Variants in SPATA7 observed in about 807,000 individuals in gnomAD.
The protein encoded by SPATA7 is spermatogenesis associated 7.
Under a neutral mutation model 51.8 loss-of-function variants are expected in SPATA7, and 43 were observed. That is an observed-to-expected ratio of 0.83 (90% CI 0.65 to 1.07). The LOEUF is 1.07. SPATA7 is among the 50% of genes least tolerant of loss of function. The pLI is 0.00. For missense variants in SPATA7, 683 were observed against 701.3 expected, an observed-to-expected ratio of 0.97 and a Z score of 0.30; for synonymous variants, 230 against 252.8, an observed-to-expected ratio of 0.91 and a Z score of 0.86.
chr14:88,403,346 T>C (rs2076120849), intron 4 of SPATA7, among the ~76,000 whole-genome samples: 1 of 152,190 alleles, frequency 6.6e-6, no homozygotes, highest in African/African-American at 2.4e-5. Context: ...ATGAAATCAG[T>C]ATGTCAAGGA....
In SPATA7 at chr14:88,405,478, C is replaced by T. The variant is rs116802711; in HGVS notation, c.238+9275C>T. ...AGATGAGAAATAATGGTGACTGGGA[C>T]CAGAGTGGTTGCAGTGGAGAGAGAT... On this transcript the variant is annotated intron_variant, in intron 4 of 11. Coordinates refer to ENST00000393545, the MANE Select transcript of SPATA7 (RefSeq NM_018418.5). Among the ~76,000 whole-genome samples the T allele has an allele frequency of 6.6e-3, 1,005 of 152,180 alleles. 9 individuals carry two copies. The highest frequency in any genetic ancestry group is 0.023 in the African/African-American group (971 of 41,518).
downstream of SPATA7, among the ~76,000 whole-genome samples, chr14:88,456,486 A>AT (rs1258289337): frequency 1.3e-5 from 2 of 151,862 alleles, no homozygotes; most frequent in African/African-American, 4.8e-5. Context: ...GATGATGAGC[A>AT]TTTTTTCATG....
At chr14:88,420,523 A>G (rs189314396) in intron 5 of SPATA7, among the ~76,000 whole-genome samples, 29 of 152,142 alleles carry the variant, frequency 1.9e-4, no homozygotes, top group Non-Finnish European at 2.5e-4. Context: ...TTCCATCTCT[A>G]TCTCTCAGCT....
At chr14:88,436,238 T>C (rs2077083979) in intron 10 of SPATA7, among the ~76,000 whole-genome samples, 1 of 152,220 alleles carries the variant, frequency 6.6e-6, no homozygotes, top group Non-Finnish European at 1.5e-5. Context: ...TCAAATCTTT[T>C]GCCCATTTTT....
chr14:88,420,301 A>G (rs1452129845), intron 5 of SPATA7, among the ~76,000 whole-genome samples: 1 of 152,168 alleles, frequency 6.6e-6, no homozygotes, highest in African/African-American at 2.4e-5. Context: ...GTCTTTAGGA[A>G]ATTAACAAAT....
chr14:88,464,169 T>C (rs1447381646), intron 4 of SPATA7, among the ~76,000 whole-genome samples: 1 of 152,090 alleles, frequency 6.6e-6, no homozygotes, highest in African/African-American at 2.4e-5. Context: ...TAATTTTAGA[T>C]AGTAGGGTAA....
intron 4 of SPATA7, among the ~76,000 whole-genome samples, chr14:88,401,836 C>CAA (rs57942112): frequency 0.011 from 368 of 33,212 alleles, 36 homozygotes; most frequent in African/African-American, 0.024. Flanking sequence ...GACCCTGTCT[C>CAA]AAAAAAAAAA....
chr14:88,451,466 G>A (rs547820793), intron 3 of SPATA7, among the ~76,000 whole-genome samples: 11 of 151,908 alleles, frequency 7.2e-5, no homozygotes, highest in Admixed American at 7.2e-4. Context: ...ACTGCTCCCG[G>A]CCGTGATTGT....
intron 4 of SPATA7, among the ~76,000 whole-genome samples, chr14:88,402,383 A>G (rs1295487631): frequency 1.3e-5 from 2 of 152,172 alleles, no homozygotes; most frequent in South Asian, 4.1e-4. Context: ...CACTTTCTAA[A>G]TTTCAAAATA....
Position 88,385,700 on chromosome 14 carries a change from C to CT in SPATA7, c.-118dup, listed in dbSNP as rs1566740634. 2 of 995,814 alleles carry CT rather than the reference C, an allele frequency of 2.0e-6. No individual in the cohort carries two copies. Among genetic ancestry groups the CT allele is most frequent in the Non-Finnish European group, 3.1e-6 (2 of 643,550 alleles). The allele number at this position is 995,814 out of a possible 1,614,324, so 61.7% of individuals were successfully genotyped here. On this transcript the variant is annotated 5_prime_UTR_variant, in exon 1 of 12. Coordinates refer to ENST00000393545, the MANE Select transcript of SPATA7 (RefSeq NM_018418.5). ...CAACGGCCTGGCAACGGTTTCCCTG[C>CT]TGCTGCAGCCCCCGTCGGCTCCTCT...
chr14:88,431,597 C>T (rs888821274), intron 9 of SPATA7, among the ~76,000 whole-genome samples: 1 of 152,124 alleles, frequency 6.6e-6, no homozygotes, highest in African/African-American at 2.4e-5. Context: ...TAACAAATCT[C>T]AGCTTGTCCC....
chr14:88,460,506 A>G (rs149668138), intron 4 of SPATA7, among the ~76,000 whole-genome samples: 1 of 152,158 alleles, frequency 6.6e-6, no homozygotes, highest in South Asian at 2.1e-4. Context: ...CGAATCGGCT[A>G]CTGAAGCTTG....
chr14:88,421,845 A>G (rs1207347869), intron 5 of SPATA7, among the ~76,000 whole-genome samples: 2 of 151,538 alleles, frequency 1.3e-5, no homozygotes, highest in Non-Finnish European at 2.9e-5. Flanking sequence ...GCTACTCAGG[A>G]GGCTGAGGCA....
At chr14:88,394,649 G>A (rs968822313) in intron 3 of SPATA7, among the ~76,000 whole-genome samples, 6 of 152,226 alleles carry the variant, frequency 3.9e-5, no homozygotes, top group South Asian at 2.1e-4. Context: ...ATGTGTTTAC[G>A]TTTCACTCGG....
intron 8 of SPATA7, 152 bp downstream of exon 8, chr14:88,429,615 G>T: frequency 4.2e-6 from 2 of 481,886 alleles, no homozygotes; most frequent in South Asian, 4.5e-5. Context: ...GTTTTACCAA[G>T]GAAATTTTAC....
chr14:88,414,930 G>A (rs976814978), intron 4 of SPATA7, among the ~76,000 whole-genome samples: 3 of 151,996 alleles, frequency 2.0e-5, no homozygotes, highest in Admixed American at 6.6e-5. Context: ...GTTTGGCGTG[G>A]TTTCAATTTT....
downstream of SPATA7, among the ~76,000 whole-genome samples, chr14:88,442,252 T>G (rs2077183047): frequency 6.6e-6 from 1 of 152,014 alleles, no homozygotes; most frequent in African/African-American, 2.4e-5. Flanking sequence ...TGCAGTGGTG[T>G]GATCTGGGCT....
At chr14:88,441,028 C>T (rs2077174916), downstream of SPATA7, among the ~76,000 whole-genome samples, 1 of 152,114 alleles carries the variant, frequency 6.6e-6, no homozygotes, top group Non-Finnish European at 1.5e-5. Context: ...ATTCTTATGC[C>T]TTTGCATCCT....
At chr14:88,467,853 A>G (rs2077389034) in intron 4 of SPATA7, 3 of 360,422 alleles carry the variant, frequency 8.3e-6, no homozygotes, top group East Asian at 1.4e-4. Context: ...TCTAGAAAAT[A>G]CAATCTCCAA....
Sources: gnomAD v4.1 joint callset for allele counts (sites outside exome capture counted in the v4.1 genomes callset) on GRCh38, gnomAD v4.1.1 for gene constraint, MANE v1.5 for transcripts, NCBI Gene and HGNC (gene_info 2026-07-23, HGNC 2026-07-21) for gene names.